The following PDE1A variants were observed in gnomAD, a reference collection of about 807,000 sequenced individuals.
PDE1A encodes the protein dual specificity calcium/calmodulin-dependent 3',5'-cyclic nucleotide phosphodiesterase 1A.
In PDE1A, 35 loss-of-function variants were observed where a neutral mutation model predicts 61.7. That is an observed-to-expected ratio of 0.57 (90% CI 0.43 to 0.75). The LOEUF is 0.75. PDE1A is among the 30% of genes least tolerant of loss of function. The probability of loss-of-function intolerance (pLI) is 0.00; values close to 1 mark genes in which losing one functional copy is unlikely to be tolerated. For synonymous variants in PDE1A, 232 were observed against 213.2 expected (o/e 1.09, Z -0.77); for missense variants, 597 against 630.6 (o/e 0.95, Z 0.57).
rs369512231 is a variant in PDE1A at position 182,242,668 on chromosome 2, G to A, written c.168-2376C>T. ...ATTATGGGTAAGCCTCATCTAATCA[G>A]TTGAAAACCTTAAGAAAGAAGATTA... On this transcript the variant is annotated intron_variant, in intron 2 of 13. Transcript: ENST00000351439. 6.6e-4 allele frequency among the ~76,000 whole-genome samples: 101 copies of A among 152,252 alleles called. 3 individuals are homozygous for A. The South Asian group carries it at 0.021, about 31-fold the overall frequency.
At chr2:182,711,450 T>C in the PDE1A span, among the ~76,000 whole-genome samples, 2 of 151,934 alleles carry the variant, frequency 1.3e-5, no homozygotes, top group South Asian at 2.1e-4. Flanking sequence ...TTTATACATA[T>C]GTAAATGTGG....
chr2:182,463,664 G>A (rs1025054680), intron 2 of PDE1A: 4 of 152,114 alleles, frequency 2.6e-5, no homozygotes, highest in Non-Finnish European at 5.9e-5. Flanking sequence ...ATGGCTCTAC[G>A]AGAGGAAGAA....
intron 1 of PDE1A, among the ~76,000 whole-genome samples, chr2:182,389,952 G>A (rs932766250): frequency 1.6e-4 from 25 of 152,124 alleles, no homozygotes; most frequent in Admixed American, 8.5e-4. Flanking sequence ...TTACACGGGC[G>A]GTTTGCGAGG....
chr2:182,608,244 T>C, the PDE1A span, among the ~76,000 whole-genome samples: 1 of 152,240 alleles, frequency 6.6e-6, no homozygotes, highest in Non-Finnish European at 1.5e-5. Context: ...GTAACTTTTC[T>C]GCCACTTTTC....
At chr2:182,213,936 C>T (rs1199847135) in intron 7 of PDE1A, among the ~76,000 whole-genome samples, 12 of 128,084 alleles carry the variant, frequency 9.4e-5, no homozygotes, top group African/African-American at 1.8e-4. Flanking sequence ...AGATACTCCT[C>T]GAGAAGAGCA....
intron 2 of PDE1A, among the ~76,000 whole-genome samples, chr2:182,508,662 C>T (rs912685877): frequency 1.3e-5 from 2 of 149,746 alleles, no homozygotes; most frequent in Non-Finnish European, 3.0e-5. Context: ...ATTTTTAACA[C>T]AGAGTATAAA....
the PDE1A span, among the ~76,000 whole-genome samples, chr2:182,543,175 T>C: frequency 6.6e-6 from 1 of 152,192 alleles, no homozygotes; most frequent in African/African-American, 2.4e-5. Flanking sequence ...ATTGATAGTG[T>C]ACATAGCTCA....
At chr2:182,544,230 G>A in the PDE1A span, among the ~76,000 whole-genome samples, 13 of 152,290 alleles carry the variant, frequency 8.5e-5, no homozygotes, top group African/African-American at 3.1e-4. Flanking sequence ...GTGATAAACA[G>A]ATACTACTGA....
rs550136812 is a variant in PDE1A at position 182,512,308 on chromosome 2, G to A, written c.101+9968C>T. 1.3e-3 allele frequency among the ~76,000 whole-genome samples: 201 copies of A among 152,258 alleles called. 1 individual carries two copies. Among genetic ancestry groups the A allele is most frequent in the African/African-American group, 4.5e-3 (186 of 41,540 alleles). On this transcript the variant is annotated intron_variant, in intron 2 of 14. Coordinates refer to the PDE1A transcript ENST00000410103. ...GTCATGGGCCTGGTCCCAGGCCCCA[G>A]TATTAGAGCATGCAGCCCAGGAGTG...
In PDE1A at chr2:182,255,407, G is replaced by A. The variant is rs151063752; in HGVS notation, c.167+8894C>T. 1.3e-3 allele frequency among the ~76,000 whole-genome samples: 197 copies of A among 152,262 alleles called. 1 individual carries two copies. Among genetic ancestry groups the A allele is most frequent in the Admixed American group, 3.7e-3 (56 of 15,294 alleles). On this transcript the variant is annotated intron_variant, in intron 2 of 13. Coordinates refer to ENST00000351439, the Ensembl canonical transcript of PDE1A. ...ACATGAGTGAGTGCCATCATGATGT[G>A]CAGGTTGTAGTGATTAAACATAAAG... is the stretch of plus-strand genomic sequence containing the variant.
chr2:182,410,051 G>C (rs74729554), intron 1 of PDE1A, among the ~76,000 whole-genome samples: 1 of 152,032 alleles, frequency 6.6e-6, no homozygotes, highest in Non-Finnish European at 1.5e-5. Context: ...TTAATTTACC[G>C]TTTTAAAATG....
At chr2:182,418,509 G>A (rs1703063439) in intron 1 of PDE1A, among the ~76,000 whole-genome samples, 1 of 152,046 alleles carries the variant, frequency 6.6e-6, no homozygotes, top group Non-Finnish European at 1.5e-5. Context: ...GTCCTCACTG[G>A]TCACTTAGAC....
intron 1 of PDE1A, among the ~76,000 whole-genome samples, chr2:182,423,997 T>C (rs563584862): frequency 6.8e-6 from 1 of 147,818 alleles, no homozygotes; most frequent in East Asian, 2.0e-4. Flanking sequence ...CAACCTGGAG[T>C]GCAGTGGCGC....
chr2:182,667,245 C>A, the PDE1A span, among the ~76,000 whole-genome samples: 3 of 152,180 alleles, frequency 2.0e-5, no homozygotes, highest in South Asian at 4.1e-4. Flanking sequence ...TTAGTCACTA[C>A]CAAAAATTCC....
chr2:182,558,884 T>C, the PDE1A span, among the ~76,000 whole-genome samples: 8 of 152,210 alleles, frequency 5.3e-5, no homozygotes, highest in African/African-American at 1.4e-4. Flanking sequence ...CTTGAATCAA[T>C]GTCAACATTT....
At chr2:182,385,569 A>C (rs1253042164) in intron 1 of PDE1A, among the ~76,000 whole-genome samples, 5 of 151,938 alleles carry the variant, frequency 3.3e-5, no homozygotes, top group African/African-American at 1.2e-4. Context: ...AAAAATAAAA[A>C]GCAAGGAATC....
chr2:182,537,759 T>G, the PDE1A span, among the ~76,000 whole-genome samples: 3 of 152,090 alleles, frequency 2.0e-5, no homozygotes, highest in Admixed American at 6.6e-5. Context: ...CTGGAGATAC[T>G]TGGCATATTA....
In PDE1A at chr2:182,371,663, T is replaced by C. The variant is rs150430653; in HGVS notation, c.53+54915A>G. Reference sequence around the variant, plus strand: ...TAAAAATGACTCCTCTCAAAGGTGATAGTAATAACCATTTGTTTAGGTGTT... The same window carrying C: ...TAAAAATGACTCCTCTCAAAGGTGACAGTAATAACCATTTGTTTAGGTGTT... On this transcript the variant is annotated intron_variant, in intron 1 of 13. Coordinates refer to ENST00000351439, the Ensembl canonical transcript of PDE1A. Among the ~76,000 whole-genome samples, 18 of 152,350 alleles carry C rather than the reference T, an allele frequency of 1.2e-4. No homozygotes were observed. In the East Asian group the frequency reaches 3.1e-3, roughly 26 times the overall value.
At chr2:182,449,864 G>C (rs1685396925) in intron 2 of PDE1A, among the ~76,000 whole-genome samples, 1 of 151,964 alleles carries the variant, frequency 6.6e-6, no homozygotes, top group South Asian at 2.1e-4. Flanking sequence ...CCTAATAACT[G>C]AAGAGAATCA....
Sources: allele counts gnomAD v4.1 joint callset (sites outside exome capture counted in the v4.1 genomes callset), GRCh38; gene constraint gnomAD v4.1.1; transcripts MANE v1.5; gene names NCBI Gene and HGNC (gene_info 2026-07-23, HGNC 2026-07-21).